TEX9: variants seen among roughly 807,000 people sequenced by gnomAD.
TEX9 encodes the protein testis expressed 9, also known as testis-expressed protein 9.
TEX9 carries 74 observed loss-of-function variants against 59.6 expected under a neutral mutation model. The observed-to-expected ratio is 1.24, with a 90% CI of 1.03 to 1.51. The LOEUF is 1.51. TEX9 is among the 40% of genes most tolerant of loss of function. The pLI, the probability that TEX9 is intolerant of heterozygous loss-of-function variation, is 0.00. For missense variants in TEX9, 522 were observed against 447.8 expected (o/e 1.17, Z -1.49); for synonymous variants, 186 against 152.2 (o/e 1.22, Z -1.64).
At chr15:56,387,390 TG>T (rs1319265855) in intron 4 of TEX9, among the ~76,000 whole-genome samples, 4 of 151,982 alleles carry the variant, frequency 2.6e-5, no homozygotes, top group Non-Finnish European at 5.9e-5. Context: ...AACATTTTCA[TG>T]TCATTTGTGA....
At chr15:56,449,647 G>T (rs1286902201), downstream of TEX9, among the ~76,000 whole-genome samples, 2 of 152,150 alleles carry the variant, frequency 1.3e-5, no homozygotes, top group African/African-American at 4.8e-5. Context: ...TAAGATTGGT[G>T]TTACTTTGTC....
At chr15:56,412,874 A>G (rs2049432762) in intron 10 of TEX9, among the ~76,000 whole-genome samples, 1 of 152,108 alleles carries the variant, frequency 6.6e-6, no homozygotes, top group African/African-American at 2.4e-5. Flanking sequence ...GGGCTTGTTA[A>G]ATCACATTGC....
At chr15:56,368,775 A>G (rs1344076478) in intron 2 of TEX9, among the ~76,000 whole-genome samples, 1 of 152,028 alleles carries the variant, frequency 6.6e-6, no homozygotes, top group African/African-American at 2.4e-5. Context: ...TAGCTTTCCA[A>G]TATTGTTTAT....
intron 1 of TEX9, among the ~76,000 whole-genome samples, chr15:56,247,725 A>G (rs904421673): frequency 2.0e-5 from 3 of 152,224 alleles, no homozygotes; most frequent in Admixed American, 6.5e-5. Context: ...TTATTGGTAC[A>G]TACTGATTAA....
At chr15:56,388,684 A>C (rs2142238709) in intron 5 of TEX9, among the ~76,000 whole-genome samples, 164 bp downstream of exon 5, 1 of 152,178 alleles carries the variant, frequency 6.6e-6, no homozygotes, top group Middle Eastern at 3.4e-3. Context: ...TCATAAACTA[A>C]ATGGAATCCT....
At chr15:56,426,367 A>C (rs1418506450) in intron 10 of TEX9, among the ~76,000 whole-genome samples, 1 of 151,422 alleles carries the variant, frequency 6.6e-6, no homozygotes. Flanking sequence ...GACATTTCCT[A>C]CTGCTTTGAA....
chr15:56,413,209 ATAAT>A (rs1293655334), intron 10 of TEX9, among the ~76,000 whole-genome samples: 1 of 132,852 alleles, frequency 7.5e-6, no homozygotes, highest in Non-Finnish European at 1.7e-5. Flanking sequence ...TTAATATTTA[ATAAT>A]TAAATAATTT....
chr15:56,405,343 T>C (rs1596197783), intron 9 of TEX9, among the ~76,000 whole-genome samples: 7 of 151,304 alleles, frequency 4.6e-5, no homozygotes, highest in Admixed American at 4.6e-4. Flanking sequence ...ACTGAGTTTG[T>C]TGGTTAAGCA....
At chr15:56,343,221 A>G (rs1258855850) in intron 1 of TEX9, among the ~76,000 whole-genome samples, 1 of 152,168 alleles carries the variant, frequency 6.6e-6, no homozygotes, top group Non-Finnish European at 1.5e-5. Flanking sequence ...CATATCACCT[A>G]AAATTGTCAG....
chr15:56,312,253 T>G (rs1475172046), intron 1 of TEX9, among the ~76,000 whole-genome samples: 28 of 141,118 alleles, frequency 2.0e-4, no homozygotes, highest in African/African-American at 6.5e-4. Context: ...GCCTAGGTTT[T>G]CTTCTAGGGT....
At chr15:56,280,283 T>C (rs1241384619) in intron 1 of TEX9, among the ~76,000 whole-genome samples, 1 of 152,172 alleles carries the variant, frequency 6.6e-6, no homozygotes, top group African/African-American at 2.4e-5. Flanking sequence ...CCAGCCATGA[T>C]CGCTGATGAC....
chr15:56,361,476 T>A (rs1567097509), upstream of TEX9, among the ~76,000 whole-genome samples: 1 of 152,220 alleles, frequency 6.6e-6, no homozygotes, highest in African/African-American at 2.4e-5. Flanking sequence ...GAAGTATGAA[T>A]TTAATTTGCA....
chr15:56,288,562 C>T (rs1382295544), intron 1 of TEX9, among the ~76,000 whole-genome samples: 1 of 151,940 alleles, frequency 6.6e-6, no homozygotes, highest in East Asian at 1.9e-4. Flanking sequence ...TATATTTTCT[C>T]ACTCTCTCTT....
chr15:56,361,570 T>C (rs1197255074), upstream of TEX9, among the ~76,000 whole-genome samples: 1 of 152,216 alleles, frequency 6.6e-6, no homozygotes, highest in Non-Finnish European at 1.5e-5. Context: ...AAATAGTTTG[T>C]ATAATTTCGG....
chr15:56,389,538 T>C (rs2048111735), intron 6 of TEX9, 138 bp downstream of exon 6: 1 of 601,384 alleles, frequency 1.7e-6, no homozygotes, highest in Non-Finnish European at 2.9e-6. Context: ...ATATATCTTA[T>C]CCACATTCAG....
At chr15:56,438,999 A>G (rs1172965435) in intron 12 of TEX9, among the ~76,000 whole-genome samples, 2 of 152,170 alleles carry the variant, frequency 1.3e-5, no homozygotes, top group Non-Finnish European at 2.9e-5. Flanking sequence ...TATACAGATC[A>G]GAAAGGAAGA....
chr15:56,253,102 T>C (rs556352991), intron 1 of TEX9, among the ~76,000 whole-genome samples: 40 of 152,202 alleles, frequency 2.6e-4, no homozygotes, highest in Non-Finnish European at 3.7e-4. Flanking sequence ...ATGCCACTAC[T>C]TTATAGTCTG....
chr15:56,382,847 G>A (rs2142157108), intron 3 of TEX9, among the ~76,000 whole-genome samples: 1 of 152,350 alleles, frequency 6.6e-6, no homozygotes, highest in South Asian at 2.1e-4. Context: ...GGGAAGGCAT[G>A]GCATAAGCAA....
intron 10 of TEX9, among the ~76,000 whole-genome samples, chr15:56,425,894 C>A (rs991212850): frequency 1.8e-4 from 27 of 152,262 alleles, no homozygotes; most frequent in Middle Eastern, 6.8e-3. Flanking sequence ...GGTGTAAAGT[C>A]TTGAGGTCCT....
Sources: allele counts gnomAD v4.1 joint callset (sites outside exome capture counted in the v4.1 genomes callset), GRCh38; gene constraint gnomAD v4.1.1; transcripts MANE v1.5; gene names NCBI Gene and HGNC (gene_info 2026-07-23, HGNC 2026-07-21).